The following MIS18A variants were observed in gnomAD, a reference collection of about 807,000 sequenced individuals.
MIS18A encodes the protein MIS18 kinetochore protein A.
In MIS18A, 14 loss-of-function variants were observed where a neutral mutation model predicts 25.0. That is an observed-to-expected ratio of 0.56 (90% confidence interval 0.37 to 0.88). The LOEUF is 0.88. Among genes scored for constraint, MIS18A ranks in the 40% least tolerant of loss-of-function variants. MIS18A has a pLI of 0.00. For missense variants in MIS18A, 292 were observed against 290.8 expected (o/e 1.00, Z -0.03); for synonymous variants, 134 against 118.6 (o/e 1.13, Z -0.84).
At chr21:32,262,285 A>G in the MIS18A span, among the ~76,000 whole-genome samples, 1 of 152,258 alleles carries the variant, frequency 6.6e-6, no homozygotes, top group Admixed American at 6.5e-5. Context: ...CTAGGGAAGC[A>G]GTTGTGACAG....
the MIS18A span, among the ~76,000 whole-genome samples, chr21:32,163,431 A>T: frequency 1.3e-5 from 2 of 152,192 alleles, no homozygotes; most frequent in Admixed American, 1.3e-4. Context: ...CAACACTGGG[A>T]AACTAACCCT....
At chr21:32,257,335 T>C in the MIS18A span, among the ~76,000 whole-genome samples, 1 of 152,232 alleles carries the variant, frequency 6.6e-6, no homozygotes, top group South Asian at 2.1e-4. Flanking sequence ...TTAAATAAAA[T>C]GTTCACGTGC....
chr21:32,186,303 A>G, the MIS18A span, among the ~76,000 whole-genome samples: 1 of 152,210 alleles, frequency 6.6e-6, no homozygotes, highest in African/African-American at 2.4e-5. Flanking sequence ...TTGAATAGTG[A>G]GTAAAATAGA....
the MIS18A span, among the ~76,000 whole-genome samples, chr21:32,213,786 G>C: frequency 8.5e-5 from 13 of 152,124 alleles, no homozygotes; most frequent in South Asian, 8.3e-4. Flanking sequence ...ATCTCTATGG[G>C]ACAAGAGGCT....
the MIS18A span, among the ~76,000 whole-genome samples, chr21:32,249,997 C>T: frequency 4.0e-4 from 61 of 152,206 alleles, no homozygotes; most frequent in African/African-American, 1.3e-3. Flanking sequence ...AGGAGAAAAC[C>T]GAGGCTTAGG....
At chr21:32,204,369 C>T in the MIS18A span, among the ~76,000 whole-genome samples, 9 of 151,598 alleles carry the variant, frequency 5.9e-5, no homozygotes, top group Middle Eastern at 3.5e-3. Context: ...CCGTGGCAGG[C>T]GCCTGTAATC....
the MIS18A span, among the ~76,000 whole-genome samples, chr21:32,258,972 CA>C: frequency 6.6e-6 from 1 of 151,992 alleles, no homozygotes; most frequent in Non-Finnish European, 1.5e-5. Flanking sequence ...CTCCCAGGCT[CA>C]AGCAGTCCTC....
the MIS18A span, among the ~76,000 whole-genome samples, chr21:32,212,755 T>C: frequency 3.2e-4 from 48 of 152,174 alleles, no homozygotes; most frequent in Non-Finnish European, 5.6e-4. Flanking sequence ...CCTCATACTG[T>C]TCTCAAGGTA....
At chr21:32,258,096 C>T in the MIS18A span, among the ~76,000 whole-genome samples, 1 of 152,166 alleles carries the variant, frequency 6.6e-6, no homozygotes, top group Admixed American at 6.5e-5. Flanking sequence ...TTCCGGAAGA[C>T]TGCCACCTCT....
At chr21:32,245,332 CAG>C in the MIS18A span, among the ~76,000 whole-genome samples, 3 of 152,198 alleles carry the variant, frequency 2.0e-5, no homozygotes, top group African/African-American at 7.2e-5. Context: ...ACAGATAAAG[CAG>C]AGAGAATGGA....
At chr21:32,181,466 CTCTA>C in the MIS18A span, among the ~76,000 whole-genome samples, 5 of 152,290 alleles carry the variant, frequency 3.3e-5, no homozygotes, top group South Asian at 2.1e-4. Flanking sequence ...GGAATAATGA[CTCTA>C]TCTTAGTTTG....
the MIS18A span, among the ~76,000 whole-genome samples, chr21:32,252,304 AG>A: frequency 1.3e-5 from 2 of 149,902 alleles, no homozygotes; most frequent in African/African-American, 2.5e-5. Flanking sequence ...GAGGAGGAAA[AG>A]AAAGAGTAAG....
the MIS18A span, among the ~76,000 whole-genome samples, chr21:32,188,546 G>T: frequency 1.3e-5 from 2 of 152,202 alleles, no homozygotes; most frequent in Admixed American, 1.3e-4. Context: ...GACATCAAGC[G>T]CTGGGTGGAA....
At chr21:32,265,758 C>G (rs899317268), downstream of MIS18A, among the ~76,000 whole-genome samples, 1 of 152,278 alleles carries the variant, frequency 6.6e-6, no homozygotes, top group Non-Finnish European at 1.5e-5. Context: ...CCTGCAGCCC[C>G]GGTGCGGGAT....
At chr21:32,234,254 G>T in the MIS18A span, among the ~76,000 whole-genome samples, 1 of 152,330 alleles carries the variant, frequency 6.6e-6, no homozygotes, top group South Asian at 2.1e-4. Flanking sequence ...ACCAGAGGTG[G>T]TTGGAGCGGA....
the MIS18A span, among the ~76,000 whole-genome samples, chr21:32,252,307 AAG>A: frequency 1.3e-5 from 2 of 149,892 alleles, no homozygotes; most frequent in African/African-American, 2.5e-5. Context: ...GAGGAAAAGA[AAG>A]AGTAAGGAAA....
the MIS18A span, among the ~76,000 whole-genome samples, chr21:32,187,909 G>A: frequency 3.2e-4 from 48 of 152,226 alleles, no homozygotes; most frequent in African/African-American, 1.1e-3. Context: ...GGGGCCTTTG[G>A]GAGGTGCTTA....
At chr21:32,269,875 G>A in intron 3 of MIS18A, 72 bp from the exon 4 acceptor site, 1 of 934,410 alleles carries the variant, frequency 1.1e-6, no homozygotes, top group Non-Finnish European at 1.7e-6. Flanking sequence ...TATTCAGGAG[G>A]CTGAGACAGA....
the MIS18A span, among the ~76,000 whole-genome samples, chr21:32,193,998 AC>A: frequency 2.0e-5 from 3 of 152,192 alleles, no homozygotes; most frequent in African/African-American, 7.2e-5. Context: ...CCAGCTGATA[AC>A]CAAAAATGTC....
Sources: allele counts gnomAD v4.1 joint callset (sites outside exome capture counted in the v4.1 genomes callset), GRCh38; gene constraint gnomAD v4.1.1; transcripts MANE v1.5; gene names NCBI Gene and HGNC (gene_info 2026-07-23, HGNC 2026-07-21).